RYR2: variants seen among roughly 807,000 people sequenced by gnomAD.
RYR2 encodes ryanodine receptor 2, also known as cardiac muscle ryanodine receptor-calcium release channel.
Under a neutral mutation model 601.1 loss-of-function variants are expected in RYR2, and 227 were observed. The observed-to-expected ratio is 0.38, with a 90% CI of 0.34 to 0.42. The LOEUF is 0.42. Among genes scored for constraint, RYR2 ranks in the 10% least tolerant of loss-of-function variants. The pLI is 1.00. For missense variants in RYR2, 4,646 were observed against 6,156.5 expected (o/e 0.75, Z 8.21); for synonymous variants, 2,223 against 2,175.1 (o/e 1.02, Z -0.61).
At chr1:237,208,818 A>G (rs888412703) in intron 1 of RYR2, among the ~76,000 whole-genome samples, 1 of 150,900 alleles carries the variant, frequency 6.6e-6, no homozygotes, top group Non-Finnish European at 1.5e-5. Flanking sequence ...TCCAGAACTT[A>G]TTTGTTTTAT....
chr1:237,318,099 T>A lies in RYR2; in HGVS notation c.169-12779T>A, dbSNP rs546638553. On this transcript the variant is annotated intron_variant, in intron 2 of 104. Coordinates refer to ENST00000366574, the MANE Select transcript of RYR2 (RefSeq NM_001035.3). ...CTCTGTTGATTTCTTTACTATGTAT[T>A]TTTTGAGTTATGCTCTTAATTCTTA... is the stretch of plus-strand genomic sequence containing the variant. 1.3e-4 allele frequency among the ~76,000 whole-genome samples: 20 copies of A among 152,280 alleles called. No homozygotes were observed. In the East Asian group the frequency reaches 3.7e-3, roughly 28 times the overall value.
At chr1:237,042,687 C>T in intron 1 of RYR2, 118 bp downstream of exon 1, 1 of 1,028,228 alleles carries the variant, frequency 9.7e-7, no homozygotes, top group Non-Finnish European at 1.3e-6. Flanking sequence ...GAGGGGGTGC[C>T]CCCTGAGGAT....
chr1:237,070,228 G>A (rs888098751), intron 1 of RYR2, among the ~76,000 whole-genome samples: 1 of 151,702 alleles, frequency 6.6e-6, no homozygotes, highest in African/African-American at 2.4e-5. Context: ...TATTTTTTAT[G>A]ATTTTTTCTT....
intron 1 of RYR2, among the ~76,000 whole-genome samples, chr1:237,097,715 TG>T (rs1397006997): frequency 2.0e-5 from 3 of 152,214 alleles, no homozygotes; most frequent in Non-Finnish European, 4.4e-5. Context: ...GCACCGTTTC[TG>T]GGGATTTATG....
chr1:237,599,055 G>A (rs1374733507), intron 34 of RYR2, among the ~76,000 whole-genome samples: 1 of 152,142 alleles, frequency 6.6e-6, no homozygotes, highest in Non-Finnish European at 1.5e-5. Context: ...ATTCCTAGAT[G>A]TATACAACCT....
intron 93 of RYR2, 91 bp from the exon 94 acceptor site, chr1:237,792,014 T>C: frequency 1.1e-6 from 1 of 894,502 alleles, no homozygotes; most frequent in Non-Finnish European, 1.8e-6. Flanking sequence ...CATCCAACTA[T>C]TTGCTGAAAA....
At chr1:237,808,861 T>C in intron 99 of RYR2, 40 bp from the exon 100 acceptor site, 1 of 1,609,024 alleles carries the variant, frequency 6.2e-7, no homozygotes, top group Non-Finnish European at 8.5e-7. Flanking sequence ...TTGTATGTCC[T>C]ACATTTCTAA....
intron 24 of RYR2, among the ~76,000 whole-genome samples, chr1:237,512,942 C>T (rs559786666): frequency 7.9e-5 from 12 of 152,206 alleles, no homozygotes; most frequent in South Asian, 2.1e-4. Flanking sequence ...TGGCGAGCAA[C>T]GGCAATTCAC....
intron 1 of RYR2, among the ~76,000 whole-genome samples, chr1:237,213,212 C>G (rs1188032952): frequency 6.6e-6 from 1 of 151,980 alleles, no homozygotes; most frequent in Non-Finnish European, 1.5e-5. Flanking sequence ...GAGTCTCGCT[C>G]TGTCATCCAG....
rs539067222 is a variant in RYR2, at chr1:237,075,317, G to A, written c.48+32748G>A. On this transcript the variant is annotated intron_variant, in intron 1 of 104. Transcript: ENST00000366574. ...ACAGCTCCGGTCTACAGCTCCCAGC[G>A]TGAGCGACGCAGAAGACGGGTGATT... is the stretch of plus-strand genomic sequence containing the variant. Among the ~76,000 whole-genome samples, 1,095 of 151,864 alleles carry A rather than the reference G, an allele frequency of 7.2e-3. 14 individuals carry two copies. The highest frequency in any genetic ancestry group is 7.4e-3 in the Non-Finnish European group (505 of 67,966).
Position 237,591,796 on chromosome 1 carries a change from C to T in RYR2, c.4218C>T (p.Thr1406=), listed in dbSNP as rs368817788. 22 of 1,613,584 alleles carry T rather than the reference C, an allele frequency of 1.4e-5. No individual in the cohort carries two copies. Among genetic ancestry groups the T allele is most frequent in the South Asian group, 8.8e-5 (8 of 91,012 alleles). ...DYSTSHSARL[T]EDVLADDRDD... is the part of the protein sequence containing the mutation. Reference sequence around the variant, plus strand: ...GCACAAGCCATTCTGCAAGACTCACCGAAGATGTCCTTGCTGATGATCGGG... The same window carrying T: ...GCACAAGCCATTCTGCAAGACTCACTGAAGATGTCCTTGCTGATGATCGGG... The change falls in exon 32 of 105, where the codon ACC becomes ACT. Residue 1406 remains threonine (T), a synonymous_variant. Coordinates refer to ENST00000366574, the MANE Select transcript of RYR2 (RefSeq NM_001035.3).
rs1307182609 is a variant in RYR2 at position 237,590,942 on chromosome 1, T to C, written c.4110T>C (p.Phe1370=). 6.2e-7 allele frequency: 1 copy of C among 1,613,820 alleles called. No individual in the cohort carries two copies. The highest frequency in any genetic ancestry group is 1.3e-5 in the African/African-American group (1 of 75,020). The change falls in exon 31 of 105, where the codon TTT becomes TTC. Residue 1370 remains phenylalanine, a synonymous_variant. Transcript: ENST00000366574. ...ACAAAGAAGCTACTAAACCAGAGTT[T>C]AACAACCACAAAGATTATGCCCAGG... ...DKDKEATKPE[F]NNHKDYAQEK...
intron 1 of RYR2, among the ~76,000 whole-genome samples, chr1:237,156,976 G>A (rs948000886): frequency 3.3e-5 from 5 of 152,122 alleles, no homozygotes; most frequent in African/African-American, 1.2e-4. Flanking sequence ...GAACAGCATG[G>A]AGATGCCTCA....
At chr1:237,687,321 T>G in intron 62 of RYR2, 134 bp from the exon 63 acceptor site, 1 of 642,570 alleles carries the variant, frequency 1.6e-6, no homozygotes, top group Non-Finnish European at 2.8e-6. Flanking sequence ...CATGTTGCTT[T>G]TTTCCGGCTC....
chr1:237,736,501 G>A (rs986771079), intron 79 of RYR2, among the ~76,000 whole-genome samples: 57 of 151,684 alleles, frequency 3.8e-4, no homozygotes, highest in African/African-American at 1.3e-3. Flanking sequence ...AAGATACAAA[G>A]GGAAGAAGGG....
rs779655352 is a variant in RYR2 at position 237,770,788 on chromosome 1, C to T, written c.11477-19C>T. ...GCTGGGGTGGCTGGTAATGTTTGAT[C>T]CCTCTGGATTTCCCACAGGAGAAAA... is the stretch of plus-strand genomic sequence containing the variant. On this transcript the variant is annotated intron_variant, in intron 84 of 104. Coordinates refer to ENST00000366574, the MANE Select transcript of RYR2 (RefSeq NM_001035.3). 1.3e-6 allele frequency: 2 copies of T among 1,516,462 alleles called. No individual in the cohort carries two copies. Among genetic ancestry groups the T allele is most frequent in the Admixed American group, 3.9e-5 (2 of 51,068 alleles). The allele number at this position is 1,516,462 out of a possible 1,614,324, so 93.9% of individuals were successfully genotyped here.
chr1:237,121,030 C>CGG (rs1553305020), intron 1 of RYR2: 1 of 147,966 alleles, frequency 6.8e-6, no homozygotes, highest in African/African-American at 2.5e-5. Flanking sequence ...GTTTAAAATG[C>CGG]TGTGTGTGTG....
At chr1:237,149,771 T>G (rs939067837) in intron 1 of RYR2, among the ~76,000 whole-genome samples, 2 of 151,492 alleles carry the variant, frequency 1.3e-5, no homozygotes, top group African/African-American at 4.9e-5. Context: ...TCCTATTTCC[T>G]TGTTTTCATG....
chr1:237,738,670 G>A (rs1176730304), intron 79 of RYR2, among the ~76,000 whole-genome samples: 1 of 151,882 alleles, frequency 6.6e-6, no homozygotes, highest in Non-Finnish European at 1.5e-5. Context: ...ATACTTTTTT[G>A]TGCTGTTGGA....
Sources: gnomAD v4.1 joint callset for allele counts (sites outside exome capture counted in the v4.1 genomes callset) on GRCh38, gnomAD v4.1.1 for gene constraint, MANE v1.5 for transcripts, NCBI Gene and HGNC (gene_info 2026-07-23, HGNC 2026-07-21) for gene names.